Variants in PSD4 observed in about 807,000 individuals in gnomAD.
PSD4 encodes pleckstrin and Sec7 domain containing 4.
In PSD4, 59 loss-of-function variants were observed where a neutral mutation model predicts 112.5. The observed-to-expected ratio is 0.52, with a 90% CI of 0.43 to 0.65. The LOEUF is 0.65. Ranked by LOEUF, PSD4 falls within the 30% of genes least tolerant of loss-of-function variation. The probability of loss-of-function intolerance (pLI) is 0.00; values close to 1 mark genes in which losing one functional copy is unlikely to be tolerated. For synonymous variants in PSD4, 533 were observed against 540.0 expected, an observed-to-expected ratio of 0.99 and a Z score of 0.18; for missense variants, 1,267 against 1,352.6, an observed-to-expected ratio of 0.94 and a Z score of 0.99.
Position 113,185,055 on chromosome 2 carries a change from A to C in PSD4, c.1155A>C (p.Ala385=), listed in dbSNP as rs911884494. The change falls in exon 3 of 17, where the codon GCA becomes GCC. Residue 385 remains alanine (A), a synonymous_variant. Coordinates refer to ENST00000245796, the MANE Select transcript of PSD4 (RefSeq NM_012455.3). ...TCGGATCTGATCTTGGCCCTGCTGC[A>C]CATCCTGTGCAACCTTGGGCAAGTC... is the stretch of plus-strand genomic sequence containing the variant. ...GCVGSDLGPA[A]HPVQPWASLS... is the part of the protein sequence containing the mutation. 6.2e-7 allele frequency: 1 copy of C among 1,614,084 alleles called. No homozygotes were observed. Among genetic ancestry groups the C allele is most frequent in the Non-Finnish European group, 8.5e-7 (1 of 1,180,036 alleles).
rs1688819773 is a variant in PSD4, at chr2:113,203,519, G to A, written c.*2104G>A. 7.0e-6 allele frequency: 1 copy of A among 143,284 alleles called. No individual in the cohort carries two copies. The highest frequency in any genetic ancestry group is 2.6e-5 in the African/African-American group (1 of 38,834). 8.9% of individuals were successfully genotyped at this position (143,284 alleles called of 1,614,324 possible). A position where few individuals can be genotyped will look rare whatever the true frequency, so the allele number is the denominator to read the frequency against. ...GACTGATGCTTACAAACTAAGTGGA[G>A]TAGGTTATTTGACCTCACTGAACAT... is the stretch of plus-strand genomic sequence containing the variant. On this transcript the variant is annotated 3_prime_UTR_variant, in exon 17 of 17. Transcript: ENST00000245796.
In PSD4 at chr2:113,199,201, T is replaced by A; in HGVS notation, c.2888T>A (p.Leu963Gln). Residue 963 changes from leucine (L) to glutamine (Q), a missense_variant, in exon 16 of 17, where the codon CTG becomes CAG. Leu to Gln is a moderately radical substitution (Grantham distance 113). Around this residue, in one of 2 missense-constraint regions of PSD4, gnomAD observed 544 missense variants for 648.6 expected, o/e 0.84. Transcript: ENST00000245796. ...GRGRELEEHR[L>Q]RKEYLEYEKT... Reference sequence around the variant, plus strand: ...GGCCGCGAGCTGGAGGAGCACCGCCTGCGGAAGGAGTACCTGGAGTACGAG... The same window carrying A: ...GGCCGCGAGCTGGAGGAGCACCGCCAGCGGAAGGAGTACCTGGAGTACGAG... 6.6e-7 allele frequency: 1 copy of A among 1,517,274 alleles called. No individual in the cohort carries two copies. Among genetic ancestry groups the A allele is most frequent in the Non-Finnish European group, 8.8e-7 (1 of 1,136,250 alleles). The allele number at this position is 1,517,274 out of a possible 1,614,324, so 94.0% of individuals were successfully genotyped here. A position where few individuals can be genotyped will look rare whatever the true frequency, so the allele number is the denominator to read the frequency against.
chr2:113,181,869 G>A (rs1391754532), intron 1 of PSD4, among the ~76,000 whole-genome samples: 2 of 152,206 alleles, frequency 1.3e-5, no homozygotes, highest in Admixed American at 6.5e-5. Flanking sequence ...TGTCGTGGGT[G>A]CCTGCTTCTT....
Position 113,204,113 on chromosome 2 carries a change from C to T in PSD4, c.*2698C>T, listed in dbSNP as rs1688832224. 2.0e-5 allele frequency: 3 copies of T among 152,354 alleles called. No individual in the cohort carries two copies. Among genetic ancestry groups the T allele is most frequent in the African/African-American group, 4.8e-5 (2 of 41,450 alleles). 9.4% of individuals were successfully genotyped at this position (152,354 alleles called of 1,614,324 possible). On this transcript the variant is annotated 3_prime_UTR_variant, in exon 17 of 17. Transcript: ENST00000245796. ...CACTTGGAGGCAGGCTTGCATCTTT[C>T]TAGCTTCTGGCTGCTCAGGTGTCCT...
At position 113,199,171 on chromosome 2, in the gene PSD4, G is replaced by A; in HGVS notation, c.2858G>A (p.Gly953Asp). Reference sequence around the variant, plus strand: ...CAGAGGAACCTGCCGGAGCGGCGGGGCCGTGGCCGCGAGCTGGAGGAGCAC... The same window carrying A: ...CAGAGGAACCTGCCGGAGCGGCGGGACCGTGGCCGCGAGCTGGAGGAGCAC... ...DLQRNLPERRGRGRELEEHRL... is the reference protein window; with the variant it reads ...DLQRNLPERRDRGRELEEHRL... The change falls in exon 16 of 17, where the codon GGC becomes GAC. Residue 953 changes from glycine (G) to aspartate (D), a missense_variant. By Grantham distance (94) the Gly-to-Asp change is moderately conservative (BLOSUM62 -1). This residue lies in a region of PSD4 where 544 missense variants were observed against 648.6 expected (regional missense o/e 0.84). Coordinates refer to ENST00000245796, the MANE Select transcript of PSD4 (RefSeq NM_012455.3). 2.0e-6 allele frequency: 3 copies of A among 1,525,618 alleles called. No individual in the cohort carries two copies. The highest frequency in any genetic ancestry group is 2.6e-6 in the Non-Finnish European group (3 of 1,139,150). 94.5% of individuals were successfully genotyped at this position (1,525,618 alleles called of 1,614,324 possible).
At chr2:113,192,955 C>A in intron 6 of PSD4, 93 bp from the exon 7 acceptor site, 1 of 1,259,076 alleles carries the variant, frequency 7.9e-7, no homozygotes, top group Non-Finnish European at 1.1e-6. Flanking sequence ...TCACCCCCAC[C>A]GCATAATGTG....
At chr2:113,180,413 T>G (rs1688096920) in intron 1 of PSD4, among the ~76,000 whole-genome samples, 1 of 152,138 alleles carries the variant, frequency 6.6e-6, no homozygotes, top group Admixed American at 6.5e-5. Context: ...CCCATGGGTT[T>G]GTTATGTGTG....
At chr2:113,185,539 T>A (rs895340381) in intron 4 of PSD4, 99 bp downstream of exon 4, 1 of 1,600,266 alleles carries the variant, frequency 6.2e-7, no homozygotes, top group African/African-American at 1.3e-5. Context: ...TTGCCATTAA[T>A]GGGTCCCATT....
chr2:113,192,458 C>T lies in PSD4; in HGVS notation c.1707C>T (p.Gly569=). The T allele has an allele frequency of 6.2e-7, 1 of 1,614,228 alleles. No individual in the cohort carries two copies. Among genetic ancestry groups the T allele is most frequent in the East Asian group, 2.2e-5 (1 of 44,880 alleles). ...PMPQAQSPEE[G]QRPPAGDKLA... is the part of the protein sequence containing the mutation. ...CCCAAGCACAGTCCCCAGAGGAAGG[C>T]CAGAGACCACCAGCTGGAGACAAGC... The change falls in exon 6 of 17, where the codon GGC becomes GGT. Residue 569 remains glycine, a synonymous_variant. Coordinates refer to ENST00000245796, the MANE Select transcript of PSD4 (RefSeq NM_012455.3).
At position 113,201,421 on chromosome 2, in the gene PSD4, G is replaced by A; in HGVS notation, c.*6G>A. 6.2e-7 allele frequency: 1 copy of A among 1,613,098 alleles called. No individual in the cohort carries two copies. The highest frequency in any genetic ancestry group is 8.5e-7 in the Non-Finnish European group (1 of 1,179,846). On this transcript the variant is annotated 3_prime_UTR_variant, in exon 17 of 17. Coordinates refer to ENST00000245796, the MANE Select transcript of PSD4 (RefSeq NM_012455.3). ...GGAACCGCAATCAGCTGTGAAGCCA[G>A]CACCACCTCAGAGACACTGTTCCCT...
intron 10 of PSD4, 118 bp from the exon 11 acceptor site, chr2:113,195,609 T>C: frequency 2.0e-6 from 2 of 980,034 alleles, no homozygotes; most frequent in Non-Finnish European, 3.2e-6. Context: ...AGGGCACCTA[T>C]GTTGTGGGTG....
In PSD4 at chr2:113,209,030, A is replaced by G. The variant is rs1010969467; in HGVS notation, c.*7615A>G. On this transcript the variant is annotated 3_prime_UTR_variant, in exon 17 of 17. Transcript: ENST00000245796. ...GAATTTGCTGCCATGTTTTGAGGACATTATCCACGCTAGTCTCTTTCATCT... is the reference window on the plus strand; with the variant it reads ...GAATTTGCTGCCATGTTTTGAGGACGTTATCCACGCTAGTCTCTTTCATCT... The G allele has an allele frequency of 1.3e-5, 2 of 152,184 alleles. No homozygotes were observed. Among genetic ancestry groups the G allele is most frequent in the Admixed American group, 1.3e-4 (2 of 15,276 alleles). 9.4% of individuals were successfully genotyped at this position (152,184 alleles called of 1,614,324 possible).
At chr2:113,174,413 T>G (rs1206430346) in intron 1 of PSD4, among the ~76,000 whole-genome samples, 2 of 152,194 alleles carry the variant, frequency 1.3e-5, no homozygotes, top group Non-Finnish European at 2.9e-5. Flanking sequence ...CTAATCCTCT[T>G]GTGAGTGTCA....
At chr2:113,184,857 GGGA>G in intron 2 of PSD4, 97 bp from the exon 3 acceptor site, 9 of 1,528,000 alleles carry the variant, frequency 5.9e-6, no homozygotes, top group Non-Finnish European at 8.0e-6. Context: ...AGACTGTGAA[GGGA>G]GGAGGCTTCA....
In PSD4 at chr2:113,183,260, G is replaced by C. The variant is rs1234400516; in HGVS notation, c.804G>C (p.Trp268Cys). The change falls in exon 2 of 17, where the codon TGG becomes TGC. Residue 268 changes from tryptophan (W) to cysteine (C), a missense_variant. This residue lies in a region of PSD4 where 723 missense variants were observed against 704.0 expected (regional missense o/e 1.03). Coordinates refer to ENST00000245796, the MANE Select transcript of PSD4 (RefSeq NM_012455.3). Reference protein sequence around the residue: ...ENSASGECFSWGASDSHAGVR... With the variant: ...ENSASGECFSCGASDSHAGVR... Reference sequence around the variant, plus strand: ...GTGCTTCTGGAGAGTGCTTTTCCTGGGGGGCTTCAGACTCCCATGCAGGTG... The same window carrying C: ...GTGCTTCTGGAGAGTGCTTTTCCTGCGGGGCTTCAGACTCCCATGCAGGTG... 1 of 1,614,132 alleles carries C rather than the reference G, an allele frequency of 6.2e-7. No homozygotes were observed. Among genetic ancestry groups the C allele is most frequent in the Non-Finnish European group, 8.5e-7 (1 of 1,179,984 alleles).
intron 12 of PSD4, 113 bp downstream of exon 12, chr2:113,196,420 A>G: frequency 2.2e-6 from 3 of 1,366,368 alleles, no homozygotes; most frequent in Non-Finnish European, 3.0e-6. Flanking sequence ...GAGGACAGGC[A>G]GCCAGCCCAT....
intron 12 of PSD4, chr2:113,197,204 G>A: frequency 5.5e-6 from 2 of 366,192 alleles, no homozygotes; most frequent in Non-Finnish European, 1.1e-5. Flanking sequence ...TCATCCTGCA[G>A]GGACTAGAAA....
In PSD4 at chr2:113,182,903, C is replaced by A. The variant is rs1177641774; in HGVS notation, c.447C>A (p.Ser149Arg). 2 of 1,614,236 alleles carry A rather than the reference C, an allele frequency of 1.2e-6. No individual in the cohort carries two copies. Among genetic ancestry groups the A allele is most frequent in the Non-Finnish European group, 8.5e-7 (1 of 1,180,038 alleles). Residue 149 changes from serine (S) to arginine (R), a missense_variant, in exon 2 of 17, where the codon AGC becomes AGA. Physicochemically the swap from Ser to Arg is moderately radical, Grantham distance 110. Coordinates refer to ENST00000245796, the MANE Select transcript of PSD4 (RefSeq NM_012455.3). ...CGGGGAGCCCAAAGCAGAACCGGAG[C>A]ACGTCCACACAGGTAGTGTTCTGGG... ...HLPGSPKQNR[S>R]TSTQVVFWAG...
At chr2:113,179,184 T>G (rs1434203773) in intron 1 of PSD4, among the ~76,000 whole-genome samples, 1 of 152,192 alleles carries the variant, frequency 6.6e-6, no homozygotes, top group Non-Finnish European at 1.5e-5. Flanking sequence ...CAATAGATCC[T>G]GAGGCTCCTC....
Sources: allele counts gnomAD v4.1 joint callset (sites outside exome capture counted in the v4.1 genomes callset), GRCh38; gene constraint gnomAD v4.1.1; regional missense constraint gnomAD v4.1.1; transcripts MANE v1.5; gene names NCBI Gene and HGNC (gene_info 2026-07-23, HGNC 2026-07-21).